Variants in CCDC91 observed in about 807,000 individuals in gnomAD.
CCDC91 encodes the protein coiled-coil domain-containing protein 91.
A neutral mutation model predicts 63.2 loss-of-function variants in CCDC91; 48 were observed. The ratio of observed to expected loss-of-function variants is 0.76; its 90% CI spans 0.60 to 0.97. CCDC91 has a LOEUF of 0.97. Among genes scored for constraint, CCDC91 ranks in the 50% least tolerant of loss-of-function variants. The pLI is 0.00. For missense variants in CCDC91, 500 were observed against 494.6 expected, an observed-to-expected ratio of 1.01 and a Z score of -0.10; for synonymous variants, 167 against 165.8, an observed-to-expected ratio of 1.01 and a Z score of -0.06.
chr12:28,471,513 G>T (rs187868898), intron 11 of CCDC91, among the ~76,000 whole-genome samples: 9 of 152,202 alleles, frequency 5.9e-5, no homozygotes, highest in African/African-American at 2.2e-4. Context: ...GAACCCTCAA[G>T]AATAGGACTG....
intron 12 of CCDC91, among the ~76,000 whole-genome samples, chr12:28,493,054 T>C (rs573128064): frequency 1.6e-4 from 24 of 151,786 alleles, no homozygotes; most frequent in African/African-American, 5.5e-4. Flanking sequence ...AGAAAAAATA[T>C]ATAAAAGAAC....
At chr12:28,469,759 A>G (rs1950719185) in intron 11 of CCDC91, among the ~76,000 whole-genome samples, 1 of 152,156 alleles carries the variant, frequency 6.6e-6, no homozygotes, top group Non-Finnish European at 1.5e-5. Context: ...AATGGAACAG[A>G]ATAGAGAACC....
chr12:28,291,990 G>A (rs1271361294), intron 3 of CCDC91, among the ~76,000 whole-genome samples: 1 of 152,150 alleles, frequency 6.6e-6, no homozygotes, highest in Non-Finnish European at 1.5e-5. Flanking sequence ...TGCACTGTAC[G>A]TTTATTAGCA....
intron 11 of CCDC91, among the ~76,000 whole-genome samples, chr12:28,466,498 T>C (rs1473446128): frequency 6.6e-6 from 1 of 152,044 alleles, no homozygotes; most frequent in Non-Finnish European, 1.5e-5. Flanking sequence ...ATAATGGAGC[T>C]CCAATATGTC....
intron 3 of CCDC91, among the ~76,000 whole-genome samples, chr12:28,285,098 T>C (rs1287983260): frequency 6.6e-6 from 1 of 151,996 alleles, no homozygotes; most frequent in Non-Finnish European, 1.5e-5. Context: ...CAATACTTGA[T>C]TTTTTTTAGA....
chr12:28,368,889 A>G (rs1171368057), intron 7 of CCDC91, among the ~76,000 whole-genome samples: 2 of 152,134 alleles, frequency 1.3e-5, no homozygotes, highest in East Asian at 3.9e-4. Flanking sequence ...GTCAGATCTT[A>G]TGAGGACTCA....
chr12:28,250,571 G>A (rs1248343887), intron 1 of CCDC91, among the ~76,000 whole-genome samples: 3 of 152,050 alleles, frequency 2.0e-5, no homozygotes, highest in Admixed American at 2.0e-4. Flanking sequence ...TATGGGTAGA[G>A]CTGTTTCAAT....
At chr12:28,537,318 A>T (rs1342754797) in intron 12 of CCDC91, among the ~76,000 whole-genome samples, 1 of 152,132 alleles carries the variant, frequency 6.6e-6, no homozygotes, top group Non-Finnish European at 1.5e-5. Context: ...GATCATTACA[A>T]TTTTTTTACT....
Position 28,450,181 on chromosome 12 carries a change from G to A in CCDC91, c.783G>A (p.Met261Ile). 1 of 1,606,224 alleles carries A rather than the reference G, an allele frequency of 6.2e-7. No homozygotes were observed. Among genetic ancestry groups the A allele is most frequent in the Non-Finnish European group, 8.5e-7 (1 of 1,175,870 alleles). The change falls in exon 9 of 13, where the codon ATG becomes ATA. Residue 261 changes from methionine to isoleucine, a missense_variant. Physicochemically the swap from Met to Ile is conservative, Grantham distance 10. Coordinates refer to ENST00000536442, the MANE Select transcript of CCDC91 (RefSeq NM_018318.5). ...LNAQHQRLLE[M>I]LDTEKELLKE... The stretch of plus-strand genomic sequence containing the variant: ...TGTAGCATCAGAGGCTCCTTGAAAT[G>A]CTAGATACAGAGAAGGAACTGTTAA...
chr12:28,488,026 G>T (rs1219233695), intron 12 of CCDC91, among the ~76,000 whole-genome samples: 1 of 151,382 alleles, frequency 6.6e-6, no homozygotes, highest in Non-Finnish European at 1.5e-5. Context: ...AAACACAATG[G>T]ATTTACAAAT....
intron 12 of CCDC91, 88 bp downstream of exon 12, chr12:28,484,253 A>T (rs1468471203): frequency 3.1e-6 from 2 of 645,268 alleles, no homozygotes; most frequent in Admixed American, 3.1e-5. Context: ...TAAAATATTT[A>T]AAATGTCCTG....
chr12:28,342,680 G>C (rs1034053167), intron 6 of CCDC91, among the ~76,000 whole-genome samples: 1 of 152,072 alleles, frequency 6.6e-6, no homozygotes, highest in East Asian at 1.9e-4. Flanking sequence ...AGTAGATGAG[G>C]GAATATAGGA....
intron 10 of CCDC91, 115 bp from the exon 11 acceptor site, chr12:28,452,363 T>C (rs1485505605): frequency 1.7e-6 from 1 of 600,638 alleles, no homozygotes; most frequent in Non-Finnish European, 2.9e-6. Context: ...ACAGCAATGT[T>C]AGAACTAAAC....
chr12:28,546,600 T>C (rs1373128873), intron 12 of CCDC91, among the ~76,000 whole-genome samples: 1 of 152,102 alleles, frequency 6.6e-6, no homozygotes, highest in Non-Finnish European at 1.5e-5. Context: ...GAGGTCTGTG[T>C]TGAAGGATGT....
chr12:28,469,084 T>A (rs969137983), intron 11 of CCDC91, among the ~76,000 whole-genome samples: 2 of 152,008 alleles, frequency 1.3e-5, no homozygotes, highest in Admixed American at 1.3e-4. Context: ...AAGCCCTAGC[T>A]AGAGTAGTCA....
chr12:28,304,624 A>G, intron 3 of CCDC91: 2 of 1,253,414 alleles, frequency 1.6e-6, no homozygotes, highest in East Asian at 5.7e-5. Context: ...GTCTTTCTTC[A>G]GGGAAACATG....
chr12:28,427,791 T>A (rs1948408024), intron 8 of CCDC91, among the ~76,000 whole-genome samples: 1 of 152,144 alleles, frequency 6.6e-6, no homozygotes, highest in African/African-American at 2.4e-5. Flanking sequence ...ATAGGAGGAG[T>A]AATGACTTCC....
intron 6 of CCDC91, among the ~76,000 whole-genome samples, chr12:28,324,148 G>T (rs776823897): frequency 3.3e-5 from 5 of 151,782 alleles, no homozygotes; most frequent in Non-Finnish European, 7.4e-5. Flanking sequence ...AGTTGGAGGA[G>T]AGGGAGAGAT....
chr12:28,490,589 T>C (rs572564596), intron 12 of CCDC91, among the ~76,000 whole-genome samples: 184 of 151,988 alleles, frequency 1.2e-3, no homozygotes, highest in African/African-American at 4.2e-3. Flanking sequence ...TTTATCCTTC[T>C]TCTTAAATTA....
Sources: gnomAD v4.1 joint callset for allele counts (sites outside exome capture counted in the v4.1 genomes callset) on GRCh38, gnomAD v4.1.1 for gene constraint, MANE v1.5 for transcripts, NCBI Gene and HGNC (gene_info 2026-07-23, HGNC 2026-07-21) for gene names.